RASGRP2: variants seen among roughly 807,000 people sequenced by gnomAD.
RASGRP2 encodes the protein RAS guanyl-releasing protein 2.
A neutral mutation model predicts 71.0 loss-of-function variants in RASGRP2; 44 were observed. That is an observed-to-expected ratio of 0.62 (90% CI 0.49 to 0.80). The LOEUF is 0.80. Among genes scored for constraint, RASGRP2 ranks in the 30% least tolerant of loss-of-function variants. The pLI, the probability that RASGRP2 is intolerant of heterozygous loss-of-function variation, is 0.00. For synonymous variants in RASGRP2, 350 were observed against 330.7 expected (o/e 1.06, Z -0.63); for missense variants, 663 against 813.4 (o/e 0.82, Z 2.25).
chr11:64,738,373 A>T (rs573387276), intron 8 of RASGRP2, among the ~76,000 whole-genome samples: 32 of 151,928 alleles, frequency 2.1e-4, no homozygotes, highest in Admixed American at 9.8e-4. Flanking sequence ...CTATTTCCCA[A>T]CCCGGGCAGT....
chr11:64,729,633 G>T, intron 14 of RASGRP2, 129 bp downstream of exon 14: 7 of 1,181,046 alleles, frequency 5.9e-6, no homozygotes, highest in Non-Finnish European at 8.8e-6. Flanking sequence ...CACCATGCCC[G>T]GCCATGCGCC....
Position 64,742,975 on chromosome 11 carries a change from G to C in RASGRP2, c.-71-38C>G. 1 of 1,510,122 alleles carries C rather than the reference G, an allele frequency of 6.6e-7. No individual in the cohort carries two copies. Among genetic ancestry groups the C allele is most frequent in the Non-Finnish European group, 8.8e-7 (1 of 1,133,746 alleles). The allele number at this position is 1,510,122 out of a possible 1,614,324, so 93.5% of individuals were successfully genotyped here. A position where few individuals can be genotyped will look rare whatever the true frequency, so the allele number is the denominator to read the frequency against. ...AGGCAGAGCGGGAGTCTGCGGAGTC[G>C]CGGGCGGGGGAGCGGCCCCGCGGGC... On this transcript the variant is annotated intron_variant, in intron 1 of 16. Coordinates refer to ENST00000394432, the MANE Select transcript of RASGRP2 (RefSeq NM_001098671.2). This position sits in a 1 kb window ranked among gnomAD's most constrained non-coding sequence, Gnocchi z 4.7.
In RASGRP2 at chr11:64,743,387, T is replaced by C. The variant is rs1199612115; in HGVS notation, c.-71-450A>G. 1 of 381,832 alleles carries C rather than the reference T, an allele frequency of 2.6e-6. No individual in the cohort carries two copies. Among genetic ancestry groups the C allele is most frequent in the Non-Finnish European group, 5.2e-6 (1 of 191,104 alleles). The allele number at this position is 381,832 out of a possible 1,614,324, so 23.7% of individuals were successfully genotyped here. ...AGGGGACCTCGGAGGAATTTCTCCC[T>C]GGTATGGGAGGTGGGGGGAGAGAAC... On this transcript the variant is annotated intron_variant, in intron 1 of 16. Coordinates refer to ENST00000394432, the MANE Select transcript of RASGRP2 (RefSeq NM_001098671.2). The surrounding 1 kb of genome is among the most constrained non-coding windows in gnomAD (Gnocchi z 4.9).
At chr11:64,728,497 G>A (rs930619601) in intron 15 of RASGRP2, among the ~76,000 whole-genome samples, 9 of 151,268 alleles carry the variant, frequency 5.9e-5, no homozygotes, top group Non-Finnish European at 8.8e-5. Context: ...GCGCGATCTC[G>A]GCTCACTGCA....
chr11:64,740,268 C>A, intron 5 of RASGRP2, 105 bp from the exon 6 acceptor site: 2 of 1,441,320 alleles, frequency 1.4e-6, no homozygotes, highest in Non-Finnish European at 1.9e-6. Context: ...CTACATAATG[C>A]GAGGCACTGT....
chr11:64,738,978 A>G lies in RASGRP2; in HGVS notation c.813+382T>C, dbSNP rs1224989302. ...TCTCTAAAAAAAAAAAAAAAAATTA[A>G]TAACAATACAAAAATTAGGCATGGT... On this transcript the variant is annotated intron_variant, in intron 8 of 16. Coordinates refer to ENST00000394432, the MANE Select transcript of RASGRP2 (RefSeq NM_001098671.2). Among the ~76,000 whole-genome samples, 4 of 151,132 alleles carry G rather than the reference A, an allele frequency of 2.6e-5. No homozygotes were observed. In the East Asian group the frequency reaches 7.7e-4, roughly 29 times the overall value.
intron 5 of RASGRP2, 173 bp from the exon 6 acceptor site, chr11:64,740,336 A>C: frequency 1.3e-6 from 1 of 769,384 alleles, no homozygotes; most frequent in South Asian, 1.5e-5. Flanking sequence ...CGACCCCGTC[A>C]TGCACTCAAC....
Position 64,735,878 on chromosome 11 carries a change from T to C in RASGRP2, c.1173+25A>G, listed in dbSNP as rs2057919044. On this transcript the variant is annotated intron_variant, in intron 10 of 16. Coordinates refer to ENST00000394432, the MANE Select transcript of RASGRP2 (RefSeq NM_001098671.2). The surrounding 1 kb of genome is among the most constrained non-coding windows in gnomAD (Gnocchi z 4.2). ...GGATTCTCAGGAGGGAAGGGCAGAG[T>C]GGAGAGGAGGGAGTACCCCCTCACC... 4 of 1,604,074 alleles carry C rather than the reference T, an allele frequency of 2.5e-6. No homozygotes were observed. Among genetic ancestry groups the C allele is most frequent in the Non-Finnish European group, 3.4e-6 (4 of 1,172,302 alleles).
In RASGRP2 at chr11:64,739,322, G is replaced by T; in HGVS notation, c.813+38C>A. The T allele has an allele frequency of 1.3e-6, 2 of 1,516,256 alleles. No homozygotes were observed. Among genetic ancestry groups the T allele is most frequent in the South Asian group, 1.1e-5 (1 of 89,050 alleles). The allele number at this position is 1,516,256 out of a possible 1,614,324, so 93.9% of individuals were successfully genotyped here. A position where few individuals can be genotyped will look rare whatever the true frequency, so the allele number is the denominator to read the frequency against. The stretch of plus-strand genomic sequence containing the variant: ...CTGCTGGGAGGACCCAGTGAAGACA[G>T]ACCTGGGAAGCACCGGCCCCTCCCC... On this transcript the variant is annotated intron_variant, in intron 8 of 16. Transcript: ENST00000394432. This position sits in a 1 kb window ranked among gnomAD's most constrained non-coding sequence, Gnocchi z 4.2.
chr11:64,729,881 G>A (rs1374515329), intron 13 of RASGRP2, 83 bp from the exon 14 acceptor site: 3 of 1,587,422 alleles, frequency 1.9e-6, no homozygotes, highest in African/African-American at 2.7e-5. Context: ...TGAGACTAGG[G>A]CTTTAGAGCC....
At position 64,742,238 on chromosome 11, in the gene RASGRP2, T is replaced by A; in HGVS notation, c.74-126A>T. The A allele has an allele frequency of 5.3e-6, 4 of 753,858 alleles. No homozygotes were observed. The highest frequency in any genetic ancestry group is 9.5e-6 in the Non-Finnish European group (4 of 422,996). 46.7% of individuals were successfully genotyped at this position (753,858 alleles called of 1,614,324 possible). A position where few individuals can be genotyped will look rare whatever the true frequency, so the allele number is the denominator to read the frequency against. ...CGCTCGACCCCGCCCACCTCCTGCT[T>A]GCCCAGGACTCCGAGAGCAGGAGGC... On this transcript the variant is annotated intron_variant, in intron 2 of 16. Coordinates refer to ENST00000394432, the MANE Select transcript of RASGRP2 (RefSeq NM_001098671.2). This position sits in a 1 kb window ranked among gnomAD's most constrained non-coding sequence, Gnocchi z 4.7.
At chr11:64,729,670 G>A (rs2057695590) in intron 14 of RASGRP2, 92 bp downstream of exon 14, 1 of 1,462,440 alleles carries the variant, frequency 6.8e-7, no homozygotes, top group Non-Finnish European at 9.6e-7. Flanking sequence ...TTCACTCCTT[G>A]GCAATTGCCC....
intron 5 of RASGRP2, chr11:64,740,554 G>A (rs1474235711): frequency 1.5e-6 from 1 of 651,638 alleles, no homozygotes; most frequent in African/African-American, 1.8e-5. Context: ...AACAGAGGTG[G>A]GAACGACAAA....
intron 5 of RASGRP2, chr11:64,740,409 G>A (rs1202809871): frequency 2.9e-6 from 2 of 680,052 alleles, no homozygotes; most frequent in Non-Finnish European, 2.8e-6. Context: ...ATACAGAGAT[G>A]AGTAAGACAC....
At chr11:64,744,376 A>C, upstream of RASGRP2, 2 of 961,124 alleles carry the variant, frequency 2.1e-6, no homozygotes, top group Non-Finnish European at 2.5e-6. Context: ...CGGAGTTCTC[A>C]GGCGGACTTT....
chr11:64,735,175 T>C lies in RASGRP2; in HGVS notation c.1349A>G (p.Glu450Gly). The C allele has an allele frequency of 1.9e-6, 3 of 1,614,152 alleles. No homozygotes were observed. The highest frequency in any genetic ancestry group is 2.5e-6 in the Non-Finnish European group (3 of 1,180,026). ...VDGDGHISQE[E>G]FQIIRGNFPY... ...GAAGTTCCCACGGATGATCTGGAAT[T>C]CTTCCTGTGAGATGTGGCCATCCCC... Residue 450 changes from glutamate to glycine, a missense_variant, in exon 12 of 17, where the codon GAA becomes GGA. Glu to Gly is a moderately conservative substitution (Grantham distance 98). Coordinates refer to ENST00000394432, the MANE Select transcript of RASGRP2 (RefSeq NM_001098671.2). The surrounding 1 kb of genome is among the most constrained non-coding windows in gnomAD (Gnocchi z 4.2).
In RASGRP2 at chr11:64,742,973, T is replaced by G. The variant is rs763804576; in HGVS notation, c.-71-36A>C. ...AGAGGCAGAGCGGGAGTCTGCGGAG[T>G]CGCGGGCGGGGGAGCGGCCCCGCGG... is the stretch of plus-strand genomic sequence containing the variant. On this transcript the variant is annotated intron_variant, in intron 1 of 16. Coordinates refer to ENST00000394432, the MANE Select transcript of RASGRP2 (RefSeq NM_001098671.2). This position sits in a 1 kb window ranked among gnomAD's most constrained non-coding sequence, Gnocchi z 4.7. 3 of 1,510,916 alleles carry G rather than the reference T, an allele frequency of 2.0e-6. No homozygotes were observed. Among genetic ancestry groups the G allele is most frequent in the Non-Finnish European group, 2.6e-6 (3 of 1,134,298 alleles). The allele number at this position is 1,510,916 out of a possible 1,614,324, so 93.6% of individuals were successfully genotyped here. A position where few individuals can be genotyped will look rare whatever the true frequency, so the allele number is the denominator to read the frequency against.
chr11:64,728,972 A>G lies in RASGRP2; in HGVS notation c.1662T>C (p.Ser554=). 6.2e-7 allele frequency: 1 copy of G among 1,611,060 alleles called. No individual in the cohort carries two copies. ...AGGGTGCAGACCCCTCCAGGCTCAC[A>G]CTCTGGGCCCTGCGCCGACACTCAA... ...LSVECRRRAQ[S]VSLEGSAPSP... Residue 554 remains serine, a synonymous_variant, in exon 15 of 17, where the codon AGT becomes AGC. Transcript: ENST00000394432.
In RASGRP2 at chr11:64,730,037, G is replaced by C; in HGVS notation, c.1554+16C>G. 1.3e-6 allele frequency: 2 copies of C among 1,549,200 alleles called. No homozygotes were observed. The highest frequency in any genetic ancestry group is 1.7e-6 in the Non-Finnish European group (2 of 1,146,852). ...GGGGCGTGGCTTGGGCCGTGAGCCG[G>C]GAAAGGGACTCTCACCAGGGCTTTG... On this transcript the variant is annotated intron_variant, in intron 13 of 16. Coordinates refer to ENST00000394432, the MANE Select transcript of RASGRP2 (RefSeq NM_001098671.2).
Sources: gnomAD v4.1 joint callset for allele counts (sites outside exome capture counted in the v4.1 genomes callset) on GRCh38, gnomAD v4.1.1 for gene constraint, Gnocchi (gnomAD v3.1) non-coding constraint, MANE v1.5 for transcripts, NCBI Gene and HGNC (gene_info 2026-07-23, HGNC 2026-07-21) for gene names.